GSDMA: variants seen among roughly 807,000 people sequenced by gnomAD.
The protein encoded by GSDMA is gasdermin A, also known as gasdermin-A.
GSDMA carries 55 observed loss-of-function variants against 54.3 expected under a neutral mutation model. That is an observed-to-expected ratio of 1.01 (90% CI 0.82 to 1.27). The LOEUF (loss-of-function observed/expected upper bound fraction) is 1.27. Ranked by LOEUF, GSDMA falls within the 50% of genes most tolerant of loss-of-function variation. The pLI is 0.00. For synonymous variants in GSDMA, 211 were observed against 224.7 expected (o/e 0.94, Z 0.54); for missense variants, 542 against 542.6 (o/e 1.00, Z 0.01).
chr17:39,966,417 C>G lies in GSDMA; in HGVS notation c.372C>G (p.Ala124=). The stretch of plus-strand genomic sequence containing the variant: ...AGACACTCAGTGTGGCTCCCAAGGC[C>G]CTGGAGACCGTGCAGGAGAGGTGAG... ...EVQTLSVAPK[A]LETVQERKLA... is the part of the protein sequence containing the mutation. The change falls in exon 3 of 12, where the codon GCC becomes GCG. Residue 124 remains alanine, a synonymous_variant. Transcript: ENST00000301659. 6.2e-7 allele frequency: 1 copy of G among 1,610,284 alleles called. No individual in the cohort carries two copies. The highest frequency in any genetic ancestry group is 1.7e-4 in the Middle Eastern group (1 of 5,936).
At chr17:39,970,373 T>C in intron 3 of GSDMA, 109 bp from the exon 4 acceptor site, 1 of 1,094,378 alleles carries the variant, frequency 9.1e-7, no homozygotes, top group Non-Finnish European at 1.2e-6. Flanking sequence ...CCTCACTCCT[T>C]CCCTGCCACC....
In GSDMA at chr17:39,966,266, C is replaced by G. The variant is rs756261222; in HGVS notation, c.221C>G (p.Thr74Arg). 1.9e-6 allele frequency: 3 copies of G among 1,613,948 alleles called. No individual in the cohort carries two copies. The highest frequency in any genetic ancestry group is 1.7e-6 in the Non-Finnish European group (2 of 1,179,888). The change falls in exon 3 of 12, where the codon ACA becomes AGA. Residue 74 changes from threonine (T) to arginine (R), a missense_variant. By Grantham distance (71) the Thr-to-Arg change is moderately conservative. Transcript: ENST00000301659. ...TGTCTTTTCCCTCCTGCAGACCCAA[C>G]AGACACTGGGAATTTTGGCTTTAAG... is the stretch of plus-strand genomic sequence containing the variant. ...LEPGSSPSDP[T>R]DTGNFGFKNM... is the part of the protein sequence containing the mutation.
intron 1 of GSDMA, among the ~76,000 whole-genome samples, chr17:39,963,504 G>T (rs12451084): frequency 0.43 from 65,948 of 151,848 alleles, 14,562 homozygotes; most frequent in East Asian, 0.56. Flanking sequence ...GGGGTGTGCC[G>T]ATCGGCCACC....
Position 39,975,446 on chromosome 17 carries a change from C to CAAA in GSDMA, c.1021+444_1021+446dup, listed in dbSNP as rs10623843. ...CCTGGGCAACAGAGCGAGACTCCAT[C>CAAA]AAAAAAAAAAAAAATTGGTTTCATT... On this transcript the variant is annotated intron_variant, in intron 10 of 11. Coordinates refer to ENST00000301659, the MANE Select transcript of GSDMA (RefSeq NM_178171.5). 1.3e-3 allele frequency among the ~76,000 whole-genome samples: 189 copies of CAAA among 147,090 alleles called. 1 individual carries two copies. The highest frequency in any genetic ancestry group is 0.01 in the East Asian group (51 of 5,004).
chr17:39,974,849 G>A (rs1980127937), intron 9 of GSDMA, 51 bp from the exon 10 acceptor site: 2 of 1,004,242 alleles, frequency 2.0e-6, no homozygotes, highest in Admixed American at 2.1e-5. Context: ...TGGGCCCTGG[G>A]TTGGGCCCTT....
chr17:39,966,530 T>C, intron 3 of GSDMA, 93 bp downstream of exon 3: 1 of 1,152,226 alleles, frequency 8.7e-7, no homozygotes, highest in Non-Finnish European at 1.2e-6. Context: ...GGTAGGACCC[T>C]TGCACTGACC....
At chr17:39,963,637 T>C (rs1159343218) in intron 1 of GSDMA, among the ~76,000 whole-genome samples, 1 of 152,174 alleles carries the variant, frequency 6.6e-6, no homozygotes, top group Non-Finnish European at 1.5e-5. Flanking sequence ...GCGGATCACC[T>C]GAGGTCAGGA....
Position 39,970,335 on chromosome 17 carries a change from G to A in GSDMA, c.393-147G>A, listed in dbSNP as rs561889460. On this transcript the variant is annotated intron_variant, in intron 3 of 11. Coordinates refer to ENST00000301659, the MANE Select transcript of GSDMA (RefSeq NM_178171.5). ...GCCCTGCCAGTAAGCATGAGATCTG[G>A]GTTTCAACCTCAGCCCTAGTCCAGA... 1.4e-5 allele frequency: 8 copies of A among 588,772 alleles called. No homozygotes were observed. The East Asian group carries it at 2.8e-4, about 21-fold the overall frequency. The allele number at this position is 588,772 out of a possible 1,614,324, so 36.5% of individuals were successfully genotyped here. A position where few individuals can be genotyped will look rare whatever the true frequency, so the allele number is the denominator to read the frequency against.
At chr17:39,970,685 T>TCTCACA (rs754239225) in intron 4 of GSDMA, 38 bp downstream of exon 4, 2 of 1,200,092 alleles carry the variant, frequency 1.7e-6, no homozygotes, top group Admixed American at 3.6e-5. Flanking sequence ...ACACACACAC[T>TCTCACA]CTCACACTCA....
chr17:39,976,147 C>T (rs1980190361), intron 11 of GSDMA, 150 bp downstream of exon 11: 3 of 551,780 alleles, frequency 5.4e-6, no homozygotes, highest in Non-Finnish European at 9.7e-6. Context: ...CTCTATTTCT[C>T]ATTTTTTGTT....
At chr17:39,969,809 G>T (rs914764440) in intron 3 of GSDMA, among the ~76,000 whole-genome samples, 1 of 151,868 alleles carries the variant, frequency 6.6e-6, no homozygotes, top group African/African-American at 2.4e-5. Flanking sequence ...AGCCAAGATC[G>T]TGCCACTGCA....
At chr17:39,974,548 G>T (rs1225457749) in intron 9 of GSDMA, 121 bp downstream of exon 9, 2 of 1,112,602 alleles carry the variant, frequency 1.8e-6, no homozygotes, top group Non-Finnish European at 2.5e-6. Context: ...GTGGCCAGGG[G>T]AGTCCACCTT....
chr17:39,970,421 G>A, intron 3 of GSDMA, 61 bp from the exon 4 acceptor site: 1 of 1,378,414 alleles, frequency 7.3e-7, no homozygotes, highest in Non-Finnish European at 9.6e-7. Context: ...AAGGAAAGAG[G>A]AGGGTGTGGT....
intron 1 of GSDMA, among the ~76,000 whole-genome samples, chr17:39,964,378 G>A (rs1247008157): frequency 1.3e-5 from 2 of 152,098 alleles, no homozygotes; most frequent in African/African-American, 4.8e-5. Flanking sequence ...AGACCAGCCT[G>A]ACCAACATGG....
rs1979663433 is a variant in GSDMA, at chr17:39,966,363, G to A, written c.318G>A (p.Gly106=). The A allele has an allele frequency of 6.2e-7, 1 of 1,613,942 alleles. No individual in the cohort carries two copies. Among genetic ancestry groups the A allele is most frequent in the Non-Finnish European group, 8.5e-7 (1 of 1,179,868 alleles). Residue 106 remains glycine (G), a synonymous_variant, in exon 3 of 12, where the codon GGG becomes GGA. Transcript: ENST00000301659. ...CGGTGAAGGTGAAGGGAACGGCAGG[G>A]CTCTCGCAGAACAGCACTCTGGAGG... is the stretch of plus-strand genomic sequence containing the variant. The part of the protein sequence containing the change: ...PKTVKVKGTA[G]LSQNSTLEVQ...
chr17:39,964,173 C>T (rs1183381569), intron 1 of GSDMA, among the ~76,000 whole-genome samples: 2 of 152,112 alleles, frequency 1.3e-5, no homozygotes, highest in Non-Finnish European at 2.9e-5. Context: ...GGAAGAGGTT[C>T]CAGGAGGTGA....
chr17:39,973,131 C>T (rs966833712), intron 7 of GSDMA, among the ~76,000 whole-genome samples: 1 of 151,826 alleles, frequency 6.6e-6, no homozygotes, highest in African/African-American at 2.4e-5. Context: ...GCCACCATGC[C>T]CTGCTAATTT....
intron 1 of GSDMA, among the ~76,000 whole-genome samples, chr17:39,965,245 A>G (rs1239557476): frequency 2.2e-4 from 23 of 102,538 alleles, no homozygotes; most frequent in South Asian, 2.0e-3. Context: ...AGGAAGGAAG[A>G]AAGGGAGGGA....
intron 3 of GSDMA, among the ~76,000 whole-genome samples, chr17:39,969,359 A>G (rs1363946877): frequency 8.6e-5 from 13 of 151,262 alleles, no homozygotes; most frequent in Admixed American, 8.6e-4. Context: ...AAAAAAAAAA[A>G]GAAAAAACTA....
Sources: gnomAD v4.1 joint callset for allele counts (sites outside exome capture counted in the v4.1 genomes callset) on GRCh38, gnomAD v4.1.1 for gene constraint, MANE v1.5 for transcripts, NCBI Gene and HGNC (gene_info 2026-07-23, HGNC 2026-07-21) for gene names.